Variants in HS2ST1 observed in about 807,000 individuals in gnomAD.
HS2ST1 encodes heparan sulfate 2-O-sulfotransferase 1, also known as 2-O-sulfotransferase.
A neutral mutation model predicts 42.9 loss-of-function variants in HS2ST1; 18 were observed. The ratio of observed to expected loss-of-function variants is 0.42; its 90% CI spans 0.29 to 0.62. HS2ST1 has a LOEUF of 0.62. Among genes scored for constraint, HS2ST1 ranks in the 20% least tolerant of loss-of-function variants. The pLI, the probability that HS2ST1 is intolerant of heterozygous loss-of-function variation, is 0.21. For synonymous variants in HS2ST1, 146 were observed against 152.9 expected, an observed-to-expected ratio of 0.95 and a Z score of 0.33; for missense variants, 334 against 433.8, an observed-to-expected ratio of 0.77 and a Z score of 2.04.
At chr1:87,058,949 C>G (rs1490563282) in intron 1 of HS2ST1, among the ~76,000 whole-genome samples, 4 of 151,876 alleles carry the variant, frequency 2.6e-5, no homozygotes, top group African/African-American at 9.7e-5. Flanking sequence ...GTCCCAGCTA[C>G]TCGGGAGGTT....
chr1:87,091,114 A>G (rs1240709880), intron 3 of HS2ST1, among the ~76,000 whole-genome samples: 1 of 152,028 alleles, frequency 6.6e-6, no homozygotes, highest in African/African-American at 2.4e-5. Flanking sequence ...CTCTAGAAGG[A>G]CAAGAAATTT....
chr1:86,989,126 A>G (rs1258389839), intron 1 of HS2ST1, among the ~76,000 whole-genome samples: 1 of 152,224 alleles, frequency 6.6e-6, no homozygotes, highest in Non-Finnish European at 1.5e-5. Flanking sequence ...TTTTATAAAC[A>G]TGTTTCAAAA....
At chr1:86,955,088 G>A (rs1399384714) in intron 1 of HS2ST1, among the ~76,000 whole-genome samples, 1 of 152,138 alleles carries the variant, frequency 6.6e-6, no homozygotes, top group East Asian at 1.9e-4. Context: ...AGAGTGAAAT[G>A]TACAAATCTT....
At chr1:86,963,755 C>CCA (rs1182145187) in intron 1 of HS2ST1, among the ~76,000 whole-genome samples, 5 of 123,464 alleles carry the variant, frequency 4.0e-5, no homozygotes, top group South Asian at 5.8e-4. Context: ...CCCCCCCCCC[C>CCA]ACCTCCCGGA....
chr1:87,075,869 A>T (rs888651597), intron 2 of HS2ST1, among the ~76,000 whole-genome samples: 10 of 152,064 alleles, frequency 6.6e-5, no homozygotes, highest in African/African-American at 2.4e-4. Context: ...ATAGTTGTCA[A>T]CTCTGCTTTT....
chr1:87,072,674 T>G (rs1651440406), intron 1 of HS2ST1, among the ~76,000 whole-genome samples: 1 of 152,196 alleles, frequency 6.6e-6, no homozygotes, highest in South Asian at 2.1e-4. Context: ...GAAGCTTTGG[T>G]CCTCAAAACA....
At chr1:87,099,965 C>T (rs1023777757) in intron 5 of HS2ST1, among the ~76,000 whole-genome samples, 9 of 152,216 alleles carry the variant, frequency 5.9e-5, no homozygotes, top group African/African-American at 2.2e-4. Flanking sequence ...AAGGGGTGGG[C>T]TCCCAAGGCC....
intron 1 of HS2ST1, chr1:87,045,492 G>T: frequency 1.0e-6 from 1 of 970,090 alleles, no homozygotes; most frequent in Non-Finnish European, 1.7e-6. Flanking sequence ...TGGACATTCA[G>T]CCGTACAGTC....
chr1:87,062,377 A>G (rs1216857800), intron 1 of HS2ST1, among the ~76,000 whole-genome samples: 1 of 151,502 alleles, frequency 6.6e-6, no homozygotes, highest in Non-Finnish European at 1.5e-5. Context: ...TACATATTTT[A>G]TTATATAAAT....
chr1:86,980,738 T>C (rs887178268), intron 1 of HS2ST1, among the ~76,000 whole-genome samples: 7 of 152,156 alleles, frequency 4.6e-5, no homozygotes, highest in Non-Finnish European at 8.8e-5. Flanking sequence ...TCTAGGAAGG[T>C]AGTTCTTATT....
chr1:86,982,716 G>A (rs961306685), intron 1 of HS2ST1, among the ~76,000 whole-genome samples: 1 of 152,046 alleles, frequency 6.6e-6, no homozygotes, highest in Non-Finnish European at 1.5e-5. Context: ...GGATTTCACC[G>A]TGTTAGCCAG....
At chr1:87,024,133 T>C (rs1199381475) in intron 1 of HS2ST1, among the ~76,000 whole-genome samples, 2 of 152,184 alleles carry the variant, frequency 1.3e-5, no homozygotes, top group African/African-American at 4.8e-5. Flanking sequence ...GTGGTGGTTA[T>C]GCAGAGATTG....
chr1:87,083,541 T>C (rs1651741633), intron 2 of HS2ST1, among the ~76,000 whole-genome samples: 1 of 152,190 alleles, frequency 6.6e-6, no homozygotes, highest in East Asian at 1.9e-4. Flanking sequence ...TTTAGACATA[T>C]TAAAATATAC....
chr1:86,922,168 TG>T (rs1402079873), intron 1 of HS2ST1, among the ~76,000 whole-genome samples: 5 of 129,050 alleles, frequency 3.9e-5, no homozygotes, highest in African/African-American at 7.7e-5. Flanking sequence ...TCTTTGTTGT[TG>T]TTTTTTTTTT....
chr1:86,934,034 T>C (rs1446647291), intron 1 of HS2ST1, among the ~76,000 whole-genome samples: 1 of 152,182 alleles, frequency 6.6e-6, no homozygotes, highest in African/African-American at 2.4e-5. Context: ...TATGATTAGC[T>C]CTTAGTGAGC....
intron 1 of HS2ST1, among the ~76,000 whole-genome samples, chr1:86,987,054 G>T (rs541912116): frequency 2.1e-4 from 30 of 141,930 alleles, no homozygotes; most frequent in Non-Finnish European, 3.5e-4. Context: ...CACTATTAAG[G>T]TTGTGATAGC....
chr1:87,082,225 A>G (rs1232432936), intron 2 of HS2ST1, among the ~76,000 whole-genome samples: 1 of 152,158 alleles, frequency 6.6e-6, no homozygotes, highest in African/African-American at 2.4e-5. Context: ...TGAAGGGTAC[A>G]CATTGGATGA....
chr1:86,954,752 T>C (rs1163315921), intron 1 of HS2ST1, among the ~76,000 whole-genome samples: 1 of 152,152 alleles, frequency 6.6e-6, no homozygotes, highest in Admixed American at 6.5e-5. Context: ...AGGATCAGTA[T>C]AAAATATATA....
At chr1:87,007,750 G>A (rs190554925) in intron 1 of HS2ST1, among the ~76,000 whole-genome samples, 5 of 152,206 alleles carry the variant, frequency 3.3e-5, no homozygotes, top group Non-Finnish European at 5.9e-5. Context: ...CAATGCTAAT[G>A]CAGAATACCA....
Sources: allele counts gnomAD v4.1 joint callset (sites outside exome capture counted in the v4.1 genomes callset), GRCh38; gene constraint gnomAD v4.1.1; transcripts MANE v1.5; gene names NCBI Gene and HGNC (gene_info 2026-07-23, HGNC 2026-07-21).